LRP1: variants seen among roughly 807,000 people sequenced by gnomAD.
The protein encoded by LRP1 is LDL receptor related protein 1.
Under a neutral mutation model 541.5 loss-of-function variants are expected in LRP1, and 51 were observed. The ratio of observed to expected loss-of-function variants is 0.09; its 90% confidence interval spans 0.08 to 0.12. The LOEUF (loss-of-function observed/expected upper bound fraction) is 0.12. Ranked by LOEUF, LRP1 falls within the 10% of genes least tolerant of loss-of-function variation. The pLI is 1.00. For synonymous variants in LRP1, 2,219 were observed against 2,470.8 expected, an observed-to-expected ratio of 0.90 and a Z score of 3.02; for missense variants, 3,878 against 6,376.2, an observed-to-expected ratio of 0.61 and a Z score of 13.34.
chr12:57,175,782 G>A (rs1453202869), intron 23 of LRP1, 77 bp downstream of exon 23: 2 of 1,549,156 alleles, frequency 1.3e-6, no homozygotes, highest in African/African-American at 2.7e-5. Context: ...TGGTGGCCAG[G>A]TGCCAAAGGC....
chr12:57,148,319 AAGC>A (rs956502631), intron 6 of LRP1, among the ~76,000 whole-genome samples: 50 of 152,216 alleles, frequency 3.3e-4, no homozygotes, highest in African/African-American at 1.2e-3. Flanking sequence ...ACAGTAGCGC[AAGC>A]TGTACATAAG....
intron 20 of LRP1, among the ~76,000 whole-genome samples, chr12:57,172,390 C>T (rs1400591796): frequency 1.3e-5 from 2 of 152,172 alleles, no homozygotes; most frequent in African/African-American, 4.8e-5. Context: ...AGGATGGTCT[C>T]GATCTCCCGA....
chr12:57,210,441 C>T lies in LRP1; in HGVS notation c.12715C>T (p.His4239Tyr). 1.3e-6 allele frequency: 2 copies of T among 1,563,350 alleles called. No homozygotes were observed. The highest frequency in any genetic ancestry group is 1.2e-5 in the South Asian group (1 of 84,138). ...DKCELDQCWE[H>Y]CRNGGTCAAS... ...GTGTGAACTGGACCAGTGCTGGGAG[C>T]ACTGTCGCAATGGGGGCACCTGTGC... The change falls in exon 82 of 89, where the codon CAC becomes TAC. Residue 4239 changes from histidine (H) to tyrosine (Y), a missense_variant. Physicochemically the swap from His to Tyr is moderately conservative, Grantham distance 83 (BLOSUM62 2). This residue lies in a region of LRP1 where 871 missense variants were observed against 1,212.4 expected (regional missense o/e 0.72). Transcript: ENST00000243077.
Position 57,151,014 on chromosome 12 carries a change from G to A in LRP1, c.842-3194G>A, listed in dbSNP as rs116837644. On this transcript the variant is annotated intron_variant, in intron 6 of 88. Transcript: ENST00000243077. ...TCTTTGGATGTGTATACACTCTTGG[G>A]TGTGTAGATGTGTTGGGTGACATTT... is the stretch of plus-strand genomic sequence containing the variant. Among the ~76,000 whole-genome samples, 638 of 152,038 alleles carry A rather than the reference G, an allele frequency of 4.2e-3. 4 individuals are homozygous for A. Among genetic ancestry groups the A allele is most frequent in the African/African-American group, 0.015 (621 of 41,440 alleles).
In LRP1 at chr12:57,184,303, C is replaced by T. The variant is rs770953494; in HGVS notation, c.6060-23C>T. On this transcript the variant is annotated intron_variant, in intron 37 of 88. Coordinates refer to ENST00000243077, the MANE Select transcript of LRP1 (RefSeq NM_002332.3). This position sits in a 1 kb window ranked among gnomAD's most constrained non-coding sequence, Gnocchi z 7.8. Reference sequence around the variant, plus strand: ...TCCTCCAGGGTCTGAGGACTGACCCCCACTTCCACCCCCACCCTACAGGTA... The same window carrying T: ...TCCTCCAGGGTCTGAGGACTGACCCTCACTTCCACCCCCACCCTACAGGTA... 5.6e-6 allele frequency: 9 copies of T among 1,614,060 alleles called. No individual in the cohort carries two copies. Among genetic ancestry groups the T allele is most frequent in the Non-Finnish European group, 7.6e-6 (9 of 1,180,036 alleles).
At position 57,191,197 on chromosome 12, in the gene LRP1, T is replaced by C. The variant is rs2036371253; in HGVS notation, c.7237-123T>C. On this transcript the variant is annotated intron_variant, in intron 43 of 88. Transcript: ENST00000243077. ...CTCCTCATCAGCTAGACGAGGGAGA[T>C]AGCAGGATGCCTCTGCGGGCCCTCA... 7 of 1,148,298 alleles carry C rather than the reference T, an allele frequency of 6.1e-6. No individual in the cohort carries two copies. In the African/African-American group the frequency reaches 6.1e-5, roughly 10 times the overall value. 71.1% of individuals were successfully genotyped at this position (1,148,298 alleles called of 1,614,324 possible).
At chr12:57,207,999 G>A (rs969057397) in intron 76 of LRP1, 39 bp from the exon 77 acceptor site, 12 of 1,600,936 alleles carry the variant, frequency 7.5e-6, no homozygotes, top group Non-Finnish European at 1.0e-5. Flanking sequence ...ATGGCAGGAA[G>A]ACAAAGCAGT....
chr12:57,177,658 G>A lies in LRP1; in HGVS notation c.4361+67G>A, dbSNP rs1190830935. On this transcript the variant is annotated intron_variant, in intron 26 of 88. Transcript: ENST00000243077. This position sits in a 1 kb window ranked among gnomAD's most constrained non-coding sequence, Gnocchi z 6.8. ...ACCAGGACGGGGTGGGGAGGAACCT[G>A]TGGTGATGAGGGTGATGAGAAGGAC... The A allele has an allele frequency of 6.4e-7, 1 of 1,551,372 alleles. No individual in the cohort carries two copies. Among genetic ancestry groups the A allele is most frequent in the Non-Finnish European group, 8.8e-7 (1 of 1,135,266 alleles).
rs746348553 is a variant in LRP1, at chr12:57,203,521, G to A, written c.10951G>A (p.Val3651Met). ...GSDEEACGTG[V>M]RTCPLDEFQC... is the part of the protein sequence containing the mutation. ...CGACGAGGAGGCCTGCGGCACTGGC[G>A]GTGCGCCCCTTGGCTTGGTCTCCCT... The change falls in exon 70 of 89, where the codon GTG becomes ATG. Residue 3651 changes from valine (V) to methionine (M), a missense_variant and splice_region_variant. By Grantham distance (21) the Val-to-Met change is conservative. Transcript: ENST00000243077. The A allele has an allele frequency of 1.1e-5, 17 of 1,533,458 alleles. No homozygotes were observed. The highest frequency in any genetic ancestry group is 6.0e-5 in the South Asian group (5 of 83,140). The allele number at this position is 1,533,458 out of a possible 1,614,324, so 95.0% of individuals were successfully genotyped here.
At position 57,156,878 on chromosome 12, in the gene LRP1, C is replaced by T. The variant is rs752317686; in HGVS notation, c.1519C>T (p.Arg507Cys). 13 of 1,596,118 alleles carry T rather than the reference C, an allele frequency of 8.1e-6. No individual in the cohort carries two copies. Among genetic ancestry groups the T allele is most frequent in the Admixed American group, 5.0e-5 (3 of 59,828 alleles). Residue 507 changes from arginine to cysteine, a missense_variant, in exon 10 of 89, where the codon CGT becomes TGT. Around this residue, in one of 13 missense-constraint regions of LRP1, gnomAD observed 496 missense variants for 861.0 expected, o/e 0.58. Transcript: ENST00000243077. This position sits in a 1 kb window ranked among gnomAD's most constrained non-coding sequence, Gnocchi z 5.2. Reference sequence around the variant, plus strand: ...CCACAAGGCGCGGACCTGCCGCTGCCGTTCCGGCTTCAGCCTGGGCAGTGA... The same window carrying T: ...CCACAAGGCGCGGACCTGCCGCTGCTGTTCCGGCTTCAGCCTGGGCAGTGA... ...NSHKARTCRC[R>C]SGFSLGSDGK...
intron 79 of LRP1, 135 bp from the exon 80 acceptor site, chr12:57,209,557 G>C (rs556545656): frequency 1.4e-6 from 1 of 714,000 alleles, no homozygotes; most frequent in South Asian, 1.7e-5. Flanking sequence ...AGGAGGAACC[G>C]GTGTGGGGAG....
At chr12:57,194,042 G>A in intron 48 of LRP1, 30 bp downstream of exon 48, 1 of 1,594,226 alleles carries the variant, frequency 6.3e-7, no homozygotes, top group Non-Finnish European at 8.6e-7. Context: ...GGCACCTCCT[G>A]GGCTCCTCCC....
chr12:57,191,775 A>T, intron 44 of LRP1, among the ~76,000 whole-genome samples: 1 of 41,444 alleles, frequency 2.4e-5, no homozygotes, highest in East Asian at 8.6e-4. Flanking sequence ...ACACATACAC[A>T]CCCCACATAC....
In LRP1 at chr12:57,162,493, A is replaced by C. The variant is rs368030757; in HGVS notation, c.2379A>C (p.Arg793=). The change falls in exon 14 of 89, where the codon CGA becomes CGC. Residue 793 remains arginine (R), a synonymous_variant. Coordinates refer to ENST00000243077, the MANE Select transcript of LRP1 (RefSeq NM_002332.3). This position sits in a 1 kb window ranked among gnomAD's most constrained non-coding sequence, Gnocchi z 5.2. ...AGCGGCCCCCCATCTTTGAGATCCG[A>C]ATGTATGATGCCCAGCAGCAGCAAG... The part of the protein sequence containing the change: ...RSERPPIFEI[R]MYDAQQQQVG... 19 of 1,613,864 alleles carry C rather than the reference A, an allele frequency of 1.2e-5. No homozygotes were observed. The East Asian group carries it at 1.3e-4, about 11-fold the overall frequency.
rs1008460806 is a variant in LRP1, at chr12:57,205,522, A to G, written c.11471-36A>G. 6.2e-7 allele frequency: 1 copy of G among 1,613,524 alleles called. No individual in the cohort carries two copies. The highest frequency in any genetic ancestry group is 1.7e-4 in the Middle Eastern group (1 of 6,058). On this transcript the variant is annotated intron_variant, in intron 74 of 88. Transcript: ENST00000243077. The surrounding 1 kb of genome is among the most constrained non-coding windows in gnomAD (Gnocchi z 4.6). Reference sequence around the variant, plus strand: ...GGGCAGAGCAGGGGTGGACACCCCAACTGTGGACTCTCATGACCCTCCCTG... The same window carrying G: ...GGGCAGAGCAGGGGTGGACACCCCAGCTGTGGACTCTCATGACCCTCCCTG...
chr12:57,191,912 C>CA, intron 44 of LRP1, among the ~76,000 whole-genome samples: 2 of 49,634 alleles, frequency 4.0e-5, no homozygotes, highest in African/African-American at 2.5e-4. Context: ...ACACACACCA[C>CA]CACACACACT....
intron 3 of LRP1, among the ~76,000 whole-genome samples, chr12:57,143,382 A>G (rs2035335929): frequency 6.6e-6 from 1 of 152,140 alleles, no homozygotes; most frequent in African/African-American, 2.4e-5. Context: ...TGACCCCAAC[A>G]AAGTGCCAGA....
intron 54 of LRP1, 32 bp downstream of exon 54, chr12:57,196,035 C>G: frequency 6.2e-7 from 1 of 1,611,600 alleles, no homozygotes; most frequent in African/African-American, 1.3e-5. Flanking sequence ...CCTCTGCCCC[C>G]TCCCCAGACT....
chr12:57,165,996 G>A lies in LRP1; in HGVS notation c.2671+51G>A. 1 of 1,612,374 alleles carries A rather than the reference G, an allele frequency of 6.2e-7. No homozygotes were observed. The highest frequency in any genetic ancestry group is 8.5e-7 in the Non-Finnish European group (1 of 1,178,538). On this transcript the variant is annotated intron_variant, in intron 16 of 88. Coordinates refer to ENST00000243077, the MANE Select transcript of LRP1 (RefSeq NM_002332.3). The surrounding 1 kb of genome is among the most constrained non-coding windows in gnomAD (Gnocchi z 4.5). The stretch of plus-strand genomic sequence containing the variant: ...TGTTGGATGGCAGGCCTGCAGGGCA[G>A]CTCGGCTCTGGCAGTGCCTATACTG...
Sources: allele counts gnomAD v4.1 joint callset (sites outside exome capture counted in the v4.1 genomes callset), GRCh38; gene constraint gnomAD v4.1.1; regional missense constraint gnomAD v4.1.1; non-coding constraint Gnocchi (gnomAD v3.1); transcripts MANE v1.5; gene names NCBI Gene and HGNC (gene_info 2026-07-23, HGNC 2026-07-21).